Variants in ZNF804A observed in about 807,000 individuals in gnomAD.
ZNF804A encodes zinc finger protein 804A.
A neutral mutation model predicts 16.5 loss-of-function variants in ZNF804A; 2 were observed. The ratio of observed to expected loss-of-function variants is 0.12; its 90% confidence interval spans 0.05 to 0.38. The LOEUF is 0.38. Ranked by LOEUF, ZNF804A falls within the 10% of genes least tolerant of loss-of-function variation. ZNF804A has a pLI of 0.99. For missense variants in ZNF804A, 1,473 were observed against 1,390.7 expected, an observed-to-expected ratio of 1.06 and a Z score of -0.94; for synonymous variants, 534 against 489.6, an observed-to-expected ratio of 1.09 and a Z score of -1.20.
chr2:184,935,938 C>G lies in ZNF804A; in HGVS notation c.542C>G (p.Thr181Ser). 1 of 1,613,894 alleles carries G rather than the reference C, an allele frequency of 6.2e-7. No homozygotes were observed. Among genetic ancestry groups the G allele is most frequent in the Non-Finnish European group, 8.5e-7 (1 of 1,179,914 alleles). The part of the protein sequence containing the change: ...IHSEENTKDA[T>S]TVAEDPESAN... ...AGTGAAGAGAATACTAAAGATGCTA[C>G]CACTGTTGCTGAAGATCCAGAAAGT... Residue 181 changes from threonine to serine, a missense_variant, in exon 4 of 4, where the codon ACC becomes AGC. Transcript: ENST00000302277.
At chr2:184,662,185 T>C (rs1455465109) in intron 1 of ZNF804A, among the ~76,000 whole-genome samples, 1 of 152,222 alleles carries the variant, frequency 6.6e-6, no homozygotes, top group Non-Finnish European at 1.5e-5. Flanking sequence ...GTTCTGTTGC[T>C]ATTATACATA....
Position 184,938,714 on chromosome 2 carries a change from C to G in ZNF804A, c.3318C>G (p.His1106Gln), listed in dbSNP as rs887483454. Residue 1106 changes from histidine to glutamine, a missense_variant, in exon 4 of 4, where the codon CAC becomes CAG. Transcript: ENST00000302277. ...TTIHHTVLQQ[H>Q]AAAAAAAAAA... is the part of the protein sequence containing the mutation. ...TCCATCACACTGTTTTGCAGCAGCA[C>G]GCTGCAGCTGCTGCAGCTGCAGCTG... The G allele has an allele frequency of 1.2e-6, 2 of 1,612,404 alleles. No individual in the cohort carries two copies. Among genetic ancestry groups the G allele is most frequent in the Non-Finnish European group, 1.7e-6 (2 of 1,178,906 alleles).
chr2:184,845,795 T>C (rs954188401), intron 1 of ZNF804A, among the ~76,000 whole-genome samples: 3 of 152,078 alleles, frequency 2.0e-5, no homozygotes, highest in Admixed American at 1.3e-4. Context: ...CCCTCTAAGA[T>C]TGCAGCCATC....
intron 2 of ZNF804A, among the ~76,000 whole-genome samples, chr2:184,900,973 C>A (rs1015804813): frequency 6.6e-6 from 1 of 152,168 alleles, no homozygotes; most frequent in Non-Finnish European, 1.5e-5. Context: ...CCAAAGGATG[C>A]TGTTCTTGTA....
intron 1 of ZNF804A, among the ~76,000 whole-genome samples, chr2:184,728,497 C>A (rs1009447467): frequency 6.6e-6 from 1 of 151,834 alleles, no homozygotes; most frequent in Non-Finnish European, 1.5e-5. Context: ...TTGTTTCCAG[C>A]TTTAAGCCTG....
At position 184,936,383 on chromosome 2, in the gene ZNF804A, C is replaced by T. The variant is rs774929418; in HGVS notation, c.987C>T (p.Val329=). 7 of 1,613,812 alleles carry T rather than the reference C, an allele frequency of 4.3e-6. No individual in the cohort carries two copies. The Admixed American group carries it at 6.7e-5, about 15-fold the overall frequency. The change falls in exon 4 of 4, where the codon GTC becomes GTT. Residue 329 remains valine, a synonymous_variant. Transcript: ENST00000302277. ...SSDADNCQNS[V]PLADQIPLES... ...ATGCAGATAATTGTCAAAATTCAGT[C>T]CCATTAGCAGATCAAATACCACTAG...
At chr2:184,687,259 C>T (rs1435797700) in intron 1 of ZNF804A, among the ~76,000 whole-genome samples, 1 of 152,214 alleles carries the variant, frequency 6.6e-6, no homozygotes, top group Non-Finnish European at 1.5e-5. Flanking sequence ...GTTATCCCAG[C>T]ACTATTTATT....
chr2:184,852,464 C>CTT (rs550514423), intron 1 of ZNF804A, among the ~76,000 whole-genome samples: 29 of 110,750 alleles, frequency 2.6e-4, no homozygotes, highest in African/African-American at 4.7e-4. Context: ...TTTGACTATG[C>CTT]TTTTTTTTTT....
intron 1 of ZNF804A, among the ~76,000 whole-genome samples, chr2:184,688,099 A>G (rs1290909497): frequency 6.6e-6 from 1 of 152,210 alleles, no homozygotes; most frequent in Non-Finnish European, 1.5e-5. Flanking sequence ...AGCCTGGGTG[A>G]CACAGTGAGA....
At chr2:184,811,269 G>A (rs1694894998) in intron 1 of ZNF804A, among the ~76,000 whole-genome samples, 1 of 152,102 alleles carries the variant, frequency 6.6e-6, no homozygotes, top group Admixed American at 6.6e-5. Context: ...CATACCGATG[G>A]CATGCTCTTC....
intron 2 of ZNF804A, among the ~76,000 whole-genome samples, chr2:184,893,200 A>T (rs933900402): frequency 2.6e-5 from 4 of 152,080 alleles, no homozygotes; most frequent in African/African-American, 9.7e-5. Context: ...AAAAGTAAAC[A>T]TATTTACCTG....
intron 2 of ZNF804A, among the ~76,000 whole-genome samples, chr2:184,910,216 CAT>C (rs747043318): frequency 6.6e-6 from 1 of 151,898 alleles, no homozygotes; most frequent in African/African-American, 2.4e-5. Flanking sequence ...TTTGTGAGAA[CAT>C]GTGGTATTTC....
chr2:184,636,452 TGAGAGA>T (rs370660751), intron 1 of ZNF804A, among the ~76,000 whole-genome samples: 1,392 of 114,212 alleles, frequency 0.012, 44 homozygotes, highest in East Asian at 0.047. Context: ...TGTGTGTGTG[TGAGAGA>T]GAGAGAGAGA....
chr2:184,721,458 C>T (rs1232063352), intron 1 of ZNF804A, among the ~76,000 whole-genome samples: 3 of 151,936 alleles, frequency 2.0e-5, no homozygotes, highest in Admixed American at 6.6e-5. Context: ...GACATACAAA[C>T]GTCCAACAGG....
chr2:184,832,295 G>C (rs1695276214), intron 1 of ZNF804A, among the ~76,000 whole-genome samples: 2 of 151,946 alleles, frequency 1.3e-5, no homozygotes, highest in Non-Finnish European at 2.9e-5. Context: ...AAAGAATGCT[G>C]ACTTATATGA....
At chr2:184,834,374 C>A (rs1558976454) in intron 1 of ZNF804A, among the ~76,000 whole-genome samples, 1 of 151,974 alleles carries the variant, frequency 6.6e-6, no homozygotes, top group Non-Finnish European at 1.5e-5. Flanking sequence ...CCTTCTATGC[C>A]CTTAGCCCTA....
At chr2:184,654,772 T>A (rs1287400515) in intron 1 of ZNF804A, among the ~76,000 whole-genome samples, 1 of 152,174 alleles carries the variant, frequency 6.6e-6, no homozygotes, top group Admixed American at 6.5e-5. Context: ...ATCATGGTCA[T>A]CATGTTAAGA....
intron 2 of ZNF804A, among the ~76,000 whole-genome samples, chr2:184,884,721 T>C (rs1043968400): frequency 6.6e-6 from 1 of 151,962 alleles, no homozygotes; most frequent in Non-Finnish European, 1.5e-5. Context: ...CTTAAATGTA[T>C]AACCTAAAGA....
At position 184,938,171 on chromosome 2, in the gene ZNF804A, A is replaced by G. The variant is rs1685826144; in HGVS notation, c.2775A>G (p.Thr925=). The stretch of plus-strand genomic sequence containing the variant: ...CTGTCTGTGTAGCTAGTGCCCCAAC[A>G]AAAGAAGCAATTGACAATACCCTGC... The part of the protein sequence containing the change: ...TTSVCVASAP[T]KEAIDNTLLE... Residue 925 remains threonine, a synonymous_variant, in exon 4 of 4, where the codon ACA becomes ACG. Coordinates refer to ENST00000302277, the MANE Select transcript of ZNF804A (RefSeq NM_194250.2). The G allele has an allele frequency of 1.2e-6, 2 of 1,614,144 alleles. No homozygotes were observed. The highest frequency in any genetic ancestry group is 1.7e-6 in the Non-Finnish European group (2 of 1,180,018).
Sources: allele counts gnomAD v4.1 joint callset (sites outside exome capture counted in the v4.1 genomes callset), GRCh38; gene constraint gnomAD v4.1.1; transcripts MANE v1.5; gene names NCBI Gene and HGNC (gene_info 2026-07-23, HGNC 2026-07-21).